The following NFU1 variants were observed in gnomAD, a reference collection of about 807,000 sequenced individuals.
The protein encoded by NFU1 is NFU1 iron-sulfur cluster scaffold.
A neutral mutation model predicts 32.2 loss-of-function variants in NFU1; 30 were observed. The observed-to-expected ratio is 0.93, with a 90% CI of 0.70 to 1.26. The LOEUF (loss-of-function observed/expected upper bound fraction) is 1.26, where lower values mean the gene tolerates loss of function less well. NFU1 is among the 50% of genes most tolerant of loss of function. NFU1 has a pLI of 0.00. For synonymous variants in NFU1, 112 were observed against 104.6 expected, an observed-to-expected ratio of 1.07 and a Z score of -0.43; for missense variants, 306 against 306.6, an observed-to-expected ratio of 1.00 and a Z score of 0.02.
intron 5 of NFU1, among the ~76,000 whole-genome samples, chr2:69,412,650 C>T (rs554291722): frequency 6.6e-6 from 1 of 151,846 alleles, no homozygotes; most frequent in Non-Finnish European, 1.5e-5. Context: ...CTCCCAAATT[C>T]CTGGGATTAC....
At chr2:69,413,743 A>G (rs907553987) in intron 5 of NFU1, among the ~76,000 whole-genome samples, 5 of 149,720 alleles carry the variant, frequency 3.3e-5, no homozygotes, top group African/African-American at 1.2e-4. Context: ...TGGATGACAG[A>G]GCAAGACTCT....
intron 4 of NFU1, among the ~76,000 whole-genome samples, chr2:69,415,793 A>G (rs1243674417): frequency 6.6e-6 from 1 of 152,056 alleles, no homozygotes; most frequent in Non-Finnish European, 1.5e-5. Flanking sequence ...TGCAGGGATT[A>G]CAGGCGTGAG....
chr2:69,438,732 T>G (rs1330608440), upstream of NFU1, among the ~76,000 whole-genome samples: 1 of 152,016 alleles, frequency 6.6e-6, no homozygotes, highest in African/African-American at 2.4e-5. Context: ...CAGACACATC[T>G]AAGAGGGTGG....
intron 1 of NFU1, among the ~76,000 whole-genome samples, chr2:69,436,948 G>A (rs1448051957): frequency 6.6e-6 from 1 of 152,178 alleles, no homozygotes; most frequent in Admixed American, 6.5e-5. Flanking sequence ...ATGAGGAAAC[G>A]AGACAAGGTA....
chr2:69,423,450 G>T, intron 3 of NFU1, 132 bp downstream of exon 3: 1 of 791,580 alleles, frequency 1.3e-6, no homozygotes, highest in Non-Finnish European at 2.0e-6. Context: ...CATCTGAAAA[G>T]AAATTATTTT....
At chr2:69,424,199 A>AAATATATATATG (rs1491220628) in intron 2 of NFU1, among the ~76,000 whole-genome samples, 10 of 70,760 alleles carry the variant, frequency 1.4e-4, no homozygotes, top group African/African-American at 4.2e-4. Flanking sequence ...AAAAAAAAAA[A>AAATATATATATG]TATATATATA....
At chr2:69,428,252 CTG>C (rs1249754751) in intron 2 of NFU1, among the ~76,000 whole-genome samples, 2 of 151,910 alleles carry the variant, frequency 1.3e-5, no homozygotes, top group Admixed American at 1.3e-4. Flanking sequence ...TGGTAAAACC[CTG>C]TGTCTACTAA....
chr2:69,430,012 T>G (rs149453853), intron 2 of NFU1: 4 of 327,428 alleles, frequency 1.2e-5, no homozygotes, highest in Non-Finnish European at 2.4e-5. Context: ...CTGGGCAACA[T>G]AGTGAGACCC....
chr2:69,400,600 T>A, intron 6 of NFU1, 62 bp from the exon 7 acceptor site: 7 of 1,430,582 alleles, frequency 4.9e-6, no homozygotes, highest in South Asian at 3.5e-5. Flanking sequence ...TTGAAAAAAT[T>A]TAATACAGCT....
intron 5 of NFU1, among the ~76,000 whole-genome samples, chr2:69,406,889 G>C (rs1650995479): frequency 6.6e-6 from 1 of 152,162 alleles, no homozygotes; most frequent in East Asian, 1.9e-4. Flanking sequence ...CATGGGGGTA[G>C]TTACCCTCAT....
chr2:69,396,399 T>C (rs1334841304), intron 7 of NFU1, 109 bp from the exon 8 acceptor site: 2 of 729,634 alleles, frequency 2.7e-6, no homozygotes, highest in African/African-American at 3.5e-5. Context: ...TAATGAGGCA[T>C]GACAAGCCAG....
In NFU1 at chr2:69,431,882, T is replaced by TA. The variant is rs748657073; in HGVS notation, c.166+19dup. On this transcript the variant is annotated intron_variant, in intron 2 of 7. Transcript: ENST00000410022. ...ATCAGTTTCTGAAACACAACTGCTATAAAAGAGGTGAAATTTTACCTGGGT... is the reference window on the plus strand; with the variant it reads ...ATCAGTTTCTGAAACACAACTGCTATAAAAAGAGGTGAAATTTTACCTGGGT... The TA allele has an allele frequency of 2.1e-6, 3 of 1,462,536 alleles. No individual in the cohort carries two copies. Among genetic ancestry groups the TA allele is most frequent in the Non-Finnish European group, 2.9e-6 (3 of 1,041,818 alleles). 90.6% of individuals were successfully genotyped at this position (1,462,536 alleles called of 1,614,324 possible).
At chr2:69,418,477 T>C (rs771132642) in intron 4 of NFU1, among the ~76,000 whole-genome samples, 11 of 152,028 alleles carry the variant, frequency 7.2e-5, no homozygotes, top group Non-Finnish European at 1.6e-4. Context: ...CCCCTTTTTT[T>C]CTTTTTTGAG....
Position 69,431,981 on chromosome 2 carries a change from T to C in NFU1, c.87A>G (p.Pro29=). 3 of 1,612,834 alleles carry C rather than the reference T, an allele frequency of 1.9e-6. No homozygotes were observed. The highest frequency in any genetic ancestry group is 2.5e-6 in the Non-Finnish European group (3 of 1,178,870). The change falls in exon 2 of 8, where the codon CCA becomes CCG. Residue 29 remains proline (P), a synonymous_variant. Coordinates refer to ENST00000410022, the MANE Select transcript of NFU1 (RefSeq NM_001002755.4). ...RRRFCHMLKN[P]YTIKKQPLHQ... The stretch of plus-strand genomic sequence containing the variant: ...GCAGAGGCTGTTTCTTAATGGTGTA[T>C]GGATTCTTCAACATATGACAGAACC...
At chr2:69,439,143 T>C (rs1219515495), upstream of NFU1, among the ~76,000 whole-genome samples, 2 of 152,082 alleles carry the variant, frequency 1.3e-5, no homozygotes, top group Non-Finnish European at 2.9e-5. Context: ...TCTGCACTCT[T>C]AGTCTCTAGT....
At chr2:69,422,384 G>T (rs1017710056) in intron 3 of NFU1, among the ~76,000 whole-genome samples, 2 of 152,056 alleles carry the variant, frequency 1.3e-5, no homozygotes, top group African/African-American at 2.4e-5. Flanking sequence ...CACAGATAAG[G>T]GGGGACTACT....
At chr2:69,424,198 A>AATATATAT (rs1177261342) in intron 2 of NFU1, among the ~76,000 whole-genome samples, 57 of 74,522 alleles carry the variant, frequency 7.6e-4, no homozygotes, top group African/African-American at 2.7e-3. Context: ...AAAAAAAAAA[A>AATATATAT]ATATATATAT....
chr2:69,404,233 T>G (rs1258266571), intron 6 of NFU1, among the ~76,000 whole-genome samples: 1 of 151,114 alleles, frequency 6.6e-6, no homozygotes, highest in Non-Finnish European at 1.5e-5. Context: ...GACCCACGCC[T>G]GTAATCCCGG....
chr2:69,437,484 G>T (rs1452640374), upstream of NFU1: 1 of 1,573,984 alleles, frequency 6.4e-7, no homozygotes, highest in African/African-American at 1.3e-5. Flanking sequence ...GCAGCCGCAG[G>T]CTGGCCGGTA....
Sources: gnomAD v4.1 joint callset for allele counts (sites outside exome capture counted in the v4.1 genomes callset) on GRCh38, gnomAD v4.1.1 for gene constraint, MANE v1.5 for transcripts, NCBI Gene and HGNC (gene_info 2026-07-23, HGNC 2026-07-21) for gene names.